EML1: variants seen among roughly 807,000 people sequenced by gnomAD.
The protein encoded by EML1 is EMAP like 1.
Under a neutral mutation model 110.4 loss-of-function variants are expected in EML1, and 27 were observed. That is an observed-to-expected ratio of 0.24 (90% confidence interval 0.18 to 0.34). The LOEUF (loss-of-function observed/expected upper bound fraction) is 0.34. Ranked by LOEUF, EML1 falls within the 10% of genes least tolerant of loss-of-function variation. EML1 has a pLI of 1.00. For synonymous variants in EML1, 344 were observed against 385.8 expected (o/e 0.89, Z 1.27); for missense variants, 741 against 1,030.9 (o/e 0.72, Z 3.85).
rs57818494 is a variant in EML1 at position 99,796,186 on chromosome 14, C to CAGAGAGAGAGAGAGAGAGAG, written c.67+2669_67+2688dup. On this transcript the variant is annotated intron_variant, in intron 1 of 21. Transcript: ENST00000262233. ...TGGGTGACAAAGTGAGACCCTGTCT[C>CAGAGAGAGAGAGAGAGAGAG]AGAGAGAGAGAGAGAGAGAGAGAGA... Among the ~76,000 whole-genome samples, 238 of 119,278 alleles carry CAGAGAGAGAGAGAGAGAGAG rather than the reference C, an allele frequency of 2.0e-3. 4 individuals carry two copies. The highest frequency in any genetic ancestry group is 5.3e-3 in the East Asian group (22 of 4,182). 78.3% of individuals were successfully genotyped at this position (119,278 alleles called of 152,430 possible).
At chr14:99,897,446 A>G (rs2059690296) in intron 7 of EML1, 152 bp downstream of exon 7, 2 of 855,794 alleles carry the variant, frequency 2.3e-6, no homozygotes, top group African/African-American at 3.5e-5. Flanking sequence ...CACAGGTGGA[A>G]ATAGCATTAG....
chr14:99,880,624 T>C (rs2059369846), intron 4 of EML1, among the ~76,000 whole-genome samples: 2 of 152,210 alleles, frequency 1.3e-5, no homozygotes, highest in South Asian at 2.1e-4. Flanking sequence ...ACATGTCCAT[T>C]GTTCCTGCAG....
chr14:99,737,819 C>T (rs1334820852), exon 1 of EML1: 1 of 1,289,312 alleles, frequency 7.8e-7, no homozygotes, highest in Admixed American at 2.3e-5. Context: ...AGCCGGCCGC[C>T]CATCTTCCAC....
chr14:99,865,485 T>C (rs766081515), intron 2 of EML1, 29 bp from the exon 3 acceptor site: 5 of 1,612,662 alleles, frequency 3.1e-6, no homozygotes, highest in South Asian at 2.2e-5. Context: ...AGGGGAACTT[T>C]CTGATATTAT....
chr14:99,837,167 C>T (rs959074821), intron 1 of EML1, among the ~76,000 whole-genome samples: 1 of 152,052 alleles, frequency 6.6e-6, no homozygotes, highest in Non-Finnish European at 1.5e-5. Flanking sequence ...CTCTGCGAAC[C>T]CCAATCGTCT....
chr14:99,936,115 G>T lies in EML1; in HGVS notation c.1996G>T (p.Gly666Cys). Residue 666 changes from glycine to cysteine, a missense_variant, in exon 18 of 22, where the codon GGC becomes TGC. By Grantham distance (159) the Gly-to-Cys change is radical. This residue lies in a region of EML1 where 388 missense variants were observed against 605.6 expected (regional missense o/e 0.64). Coordinates refer to ENST00000262233, the MANE Select transcript of EML1 (RefSeq NM_004434.3). This position sits in a 1 kb window ranked among gnomAD's most constrained non-coding sequence, Gnocchi z 5.5. The stretch of plus-strand genomic sequence containing the variant: ...CAACGGGAGGAAGTACACGCGAGTG[G>T]GCAAGTGCTCGGTAAGCGCTGACAG... Reference protein sequence around the residue: ...SDNGRKYTRVGKCSGHSSFIT... With the variant: ...SDNGRKYTRVCKCSGHSSFIT... The T allele has an allele frequency of 1.9e-6, 3 of 1,614,104 alleles. No homozygotes were observed. Among genetic ancestry groups the T allele is most frequent in the Non-Finnish European group, 2.5e-6 (3 of 1,180,030 alleles).
chr14:99,768,457 G>A (rs1022378934), upstream of EML1, among the ~76,000 whole-genome samples: 3 of 152,108 alleles, frequency 2.0e-5, no homozygotes, highest in African/African-American at 7.2e-5. Context: ...AGGAACTCGG[G>A]CACAGGCGCA....
intron 17 of EML1, among the ~76,000 whole-genome samples, chr14:99,926,616 T>G (rs1224523531): frequency 3.3e-5 from 5 of 152,128 alleles, no homozygotes; most frequent in Non-Finnish European, 5.9e-5. Flanking sequence ...TGTTTTTTAT[T>G]GTTAGAGATG....
At chr14:99,738,449 G>A (rs534374336) in intron 1 of EML1, among the ~76,000 whole-genome samples, 1 of 152,384 alleles carries the variant, frequency 6.6e-6, no homozygotes, top group East Asian at 1.9e-4. Flanking sequence ...AGAGGCTGTG[G>A]TGGGGACTGG....
chr14:99,753,380 A>G (rs562429433), intron 1 of EML1, among the ~76,000 whole-genome samples: 130 of 151,734 alleles, frequency 8.6e-4, no homozygotes, highest in African/African-American at 3.1e-3. Flanking sequence ...GGTCAAGCGG[A>G]TCCCTGTGGG....
intron 1 of EML1, among the ~76,000 whole-genome samples, chr14:99,745,818 A>G (rs1001937049): frequency 6.6e-6 from 1 of 152,238 alleles, no homozygotes; most frequent in Admixed American, 6.5e-5. Flanking sequence ...CTTCTCGCTC[A>G]TAGTCTGAGT....
chr14:99,816,244 A>G (rs1304609631), intron 1 of EML1, among the ~76,000 whole-genome samples: 1 of 152,124 alleles, frequency 6.6e-6, no homozygotes, highest in East Asian at 1.9e-4. Flanking sequence ...GCTCACTGCA[A>G]CCTCCACCTC....
At chr14:99,923,080 C>A (rs543248006) in intron 17 of EML1, among the ~76,000 whole-genome samples, 6 of 152,182 alleles carry the variant, frequency 3.9e-5, no homozygotes, top group African/African-American at 1.4e-4. Flanking sequence ...TAGCTGGGAA[C>A]ACAGGCACAC....
At chr14:99,765,268 G>A (rs888412287) in intron 1 of EML1, among the ~76,000 whole-genome samples, 3 of 151,976 alleles carry the variant, frequency 2.0e-5, no homozygotes, top group Non-Finnish European at 2.9e-5. Context: ...TAAGTGTACA[G>A]TTGAGTGGCA....
At chr14:99,846,049 CAAA>C (rs540638774) in intron 1 of EML1, among the ~76,000 whole-genome samples, 4 of 53,202 alleles carry the variant, frequency 7.5e-5, no homozygotes. Context: ...GACTCTGTCT[CAAA>C]AAAAAAAAAA....
chr14:99,776,830 T>G (rs1566859826), intron 1 of EML1, among the ~76,000 whole-genome samples: 1 of 152,216 alleles, frequency 6.6e-6, no homozygotes, highest in Non-Finnish European at 1.5e-5. Context: ...AGACATAGAT[T>G]ACATATTCAT....
intron 1 of EML1, among the ~76,000 whole-genome samples, chr14:99,738,565 G>A (rs1400666533): frequency 6.6e-6 from 1 of 152,236 alleles, no homozygotes; most frequent in Admixed American, 6.5e-5. Flanking sequence ...TCTGGAGTCA[G>A]GCTGTCCAGG....
chr14:99,782,989 T>C (rs982281278), intron 1 of EML1, among the ~76,000 whole-genome samples: 4 of 151,350 alleles, frequency 2.6e-5, no homozygotes, highest in Non-Finnish European at 4.4e-5. Flanking sequence ...AAATCGTTTA[T>C]ATATATATAT....
chr14:99,842,248 A>G (rs2058645097), intron 1 of EML1, among the ~76,000 whole-genome samples: 1 of 152,234 alleles, frequency 6.6e-6, no homozygotes, highest in African/African-American at 2.4e-5. Context: ...TAGAGATTCA[A>G]ATGGTTTGTG....
Sources: allele counts gnomAD v4.1 joint callset (sites outside exome capture counted in the v4.1 genomes callset), GRCh38; gene constraint gnomAD v4.1.1; regional missense constraint gnomAD v4.1.1; non-coding constraint Gnocchi (gnomAD v3.1); transcripts MANE v1.5; gene names NCBI Gene and HGNC (gene_info 2026-07-23, HGNC 2026-07-21).